ITPR1: variants seen among roughly 807,000 people sequenced by gnomAD.
ITPR1 encodes inositol 1,4,5-trisphosphate-gated calcium channel ITPR1.
ITPR1 carries 96 observed loss-of-function variants against 318.4 expected under a neutral mutation model. The observed-to-expected ratio is 0.30, with a 90% CI of 0.26 to 0.36. ITPR1 has a LOEUF of 0.36. ITPR1 is among the 10% of genes least tolerant of loss of function. The probability of loss-of-function intolerance (pLI) is 1.00; values close to 1 mark genes in which losing one functional copy is unlikely to be tolerated. For missense variants in ITPR1, 2,440 were observed against 3,460.2 expected (o/e 0.71, Z 7.40); for synonymous variants, 1,312 against 1,289.9 (o/e 1.02, Z -0.37).
rs780045490 is a variant in ITPR1, at chr3:4,779,675, A to C, written c.6387+30A>C. ...GTCGGGTGACGGATCTGATGGTAGC[A>C]CCAAGGAGCATTGCGACGATATTTG... On this transcript the variant is annotated intron_variant, in intron 49 of 61. Coordinates refer to ENST00000649015, the MANE Select transcript of ITPR1 (RefSeq NM_001378452.1). The surrounding 1 kb of genome is among the most constrained non-coding windows in gnomAD (Gnocchi z 4.0). 26 of 1,463,764 alleles carry C rather than the reference A, an allele frequency of 1.8e-5. No homozygotes were observed. In the East Asian group the frequency reaches 5.3e-4, roughly 30 times the overall value. 90.7% of individuals were successfully genotyped at this position (1,463,764 alleles called of 1,614,324 possible).
At chr3:4,718,472 G>A (rs2041927160) in intron 40 of ITPR1, among the ~76,000 whole-genome samples, 1 of 152,208 alleles carries the variant, frequency 6.6e-6, no homozygotes, top group African/African-American at 2.4e-5. Flanking sequence ...CCTAAGGAGG[G>A]TTTGAATTAC....
intron 4 of ITPR1, among the ~76,000 whole-genome samples, chr3:4,566,464 A>AGCAAAAATT (rs2087261417): frequency 6.6e-6 from 1 of 152,134 alleles, no homozygotes; most frequent in Non-Finnish European, 1.5e-5. Flanking sequence ...GAATAAATAA[A>AGCAAAAATT]GAGCTTAAAG....
chr3:4,597,259 ATGT>A (rs896259129), intron 4 of ITPR1, among the ~76,000 whole-genome samples: 1 of 152,204 alleles, frequency 6.6e-6, no homozygotes, highest in African/African-American at 2.4e-5. Flanking sequence ...GCCAGATAGA[ATGT>A]TGTCTGTGAG....
intron 61 of ITPR1, among the ~76,000 whole-genome samples, chr3:4,838,127 A>C (rs2106546432): frequency 6.6e-6 from 1 of 152,272 alleles, no homozygotes; most frequent in East Asian, 1.9e-4. Flanking sequence ...AAATTATTCC[A>C]AACTGTGCCC....
intron 13 of ITPR1, among the ~76,000 whole-genome samples, 182 bp from the exon 14 acceptor site, chr3:4,660,806 A>G (rs2093815719): frequency 1.3e-5 from 2 of 152,266 alleles, no homozygotes; most frequent in Middle Eastern, 6.8e-3. Flanking sequence ...ATGATTTTCT[A>G]TTGTAAATGC....
At chr3:4,768,368 G>A in intron 45 of ITPR1, 143 bp from the exon 46 acceptor site, 1 of 945,936 alleles carries the variant, frequency 1.1e-6, no homozygotes, top group Non-Finnish European at 1.5e-6. Context: ...ACTGAGAGCA[G>A]ATTGTGACTT....
chr3:4,546,760 C>CT (rs11349589), intron 4 of ITPR1, among the ~76,000 whole-genome samples: 69,477 of 138,036 alleles, frequency 0.5, 18,518 homozygotes, highest in Non-Finnish European at 0.59. Context: ...CAACTCTGAC[C>CT]TTTTTTTTTT....
intron 4 of ITPR1, among the ~76,000 whole-genome samples, chr3:4,524,900 T>C (rs1450767627): frequency 2.0e-5 from 3 of 152,206 alleles, no homozygotes; most frequent in African/African-American, 7.2e-5. Flanking sequence ...GAGAGGATAA[T>C]AGGCTCTATC....
rs2094191117 is a variant in ITPR1, at chr3:4,676,641, G to A, written c.2807G>A (p.Gly936Asp). The A allele has an allele frequency of 6.2e-7, 1 of 1,613,584 alleles. No individual in the cohort carries two copies. The highest frequency in any genetic ancestry group is 1.3e-5 in the African/African-American group (1 of 74,928). Reference protein sequence around the residue: ...KSSNVMRSIHGVGELMTQVVL... With the variant: ...KSSNVMRSIHDVGELMTQVVL... ...AGTAACGTGATGAGATCTATTCATG[G>A]CGTGGGAGAGCTGATGACCCAGGTG... The change falls in exon 24 of 62, where the codon GGC becomes GAC. Residue 936 changes from glycine to aspartate, a missense_variant. Around this residue, in one of 23 missense-constraint regions of ITPR1, gnomAD observed 478 missense variants for 696.3 expected, o/e 0.69. Transcript: ENST00000649015.
intron 36 of ITPR1, 54 bp downstream of exon 36, chr3:4,703,004 T>C: frequency 2.5e-6 from 4 of 1,577,458 alleles, no homozygotes; most frequent in Non-Finnish European, 3.5e-6. Flanking sequence ...TGTCTGACAG[T>C]AGTAAGGCTG....
chr3:4,535,164 G>T (rs1437866292), intron 4 of ITPR1, among the ~76,000 whole-genome samples: 1 of 152,100 alleles, frequency 6.6e-6, no homozygotes, highest in Non-Finnish European at 1.5e-5. Context: ...AACCCACAGT[G>T]CTCCTTTACT....
intron 26 of ITPR1, among the ~76,000 whole-genome samples, chr3:4,682,264 G>T (rs2094316821): frequency 6.6e-6 from 1 of 152,226 alleles, no homozygotes; most frequent in Admixed American, 6.5e-5. Flanking sequence ...TGCCTGCAAG[G>T]CCAGAACTTC....
chr3:4,538,970 C>G (rs921457949), intron 4 of ITPR1, among the ~76,000 whole-genome samples: 1 of 152,112 alleles, frequency 6.6e-6, no homozygotes. Flanking sequence ...TAGCAAACCA[C>G]CATGACACAT....
chr3:4,828,170 A>T (rs890320240), intron 60 of ITPR1, among the ~76,000 whole-genome samples: 1 of 152,114 alleles, frequency 6.6e-6, no homozygotes, highest in Non-Finnish European at 1.5e-5. Flanking sequence ...ACAGCATAGA[A>T]CTTTGGAAAG....
At chr3:4,509,393 C>T (rs1037188134) in intron 2 of ITPR1, among the ~76,000 whole-genome samples, 1 of 152,156 alleles carries the variant, frequency 6.6e-6, no homozygotes, top group Non-Finnish European at 1.5e-5. Flanking sequence ...TATTTTGTTT[C>T]TTGCTTCCAA....
intron 2 of ITPR1, among the ~76,000 whole-genome samples, chr3:4,514,320 G>A (rs140087141): frequency 6.6e-6 from 1 of 152,314 alleles, no homozygotes; most frequent in African/African-American, 2.4e-5. Flanking sequence ...ATAAATGCCA[G>A]CTATTATTAT....
At chr3:4,586,784 G>C (rs4685770) in intron 4 of ITPR1, among the ~76,000 whole-genome samples, 22,214 of 150,956 alleles carry the variant, frequency 0.15, 2,780 homozygotes, top group East Asian at 0.41. Flanking sequence ...GGACTACCTA[G>C]ATTAAATGCA....
intron 4 of ITPR1, among the ~76,000 whole-genome samples, chr3:4,559,508 G>A (rs1052006331): frequency 3.9e-5 from 6 of 152,154 alleles, no homozygotes; most frequent in African/African-American, 1.2e-4. Context: ...TCAAATGCAG[G>A]AACCTTTACA....
At chr3:4,624,108 C>G (rs1052726300) in intron 4 of ITPR1, among the ~76,000 whole-genome samples, 5 of 152,066 alleles carry the variant, frequency 3.3e-5, no homozygotes, top group Admixed American at 2.0e-4. Context: ...ATGAATCCAC[C>G]CTGAGTGTCC....
Sources: gnomAD v4.1 joint callset for allele counts (sites outside exome capture counted in the v4.1 genomes callset) on GRCh38, gnomAD v4.1.1 for gene constraint, gnomAD v4.1.1 regional missense constraint, Gnocchi (gnomAD v3.1) non-coding constraint, MANE v1.5 for transcripts, NCBI Gene and HGNC (gene_info 2026-07-23, HGNC 2026-07-21) for gene names.